NLRP9: variants seen among roughly 807,000 people sequenced by gnomAD.
NLRP9 encodes NACHT, LRR and PYD domains-containing protein 9.
In NLRP9, 88 loss-of-function variants were observed where a neutral mutation model predicts 83.1. The observed-to-expected ratio is 1.06, with a 90% CI of 0.89 to 1.26. NLRP9 has a LOEUF of 1.26. Among genes scored for constraint, NLRP9 ranks in the 50% most tolerant of loss-of-function variants. The probability of loss-of-function intolerance (pLI) is 0.00; values close to 1 mark genes in which losing one functional copy is unlikely to be tolerated. For synonymous variants in NLRP9, 521 were observed against 447.6 expected (o/e 1.16, Z -2.07); for missense variants, 1,308 against 1,179.3 (o/e 1.11, Z -1.60).
intron 1 of NLRP9, among the ~76,000 whole-genome samples, chr19:55,736,290 C>T (rs541465199): frequency 7.9e-5 from 12 of 152,034 alleles, no homozygotes; most frequent in African/African-American, 2.7e-4. Flanking sequence ...ACCTGGGAGG[C>T]TGAGGCAGGA....
chr19:55,729,073 T>TTTTTTTAA (rs1320598967), intron 3 of NLRP9, among the ~76,000 whole-genome samples: 1 of 112,752 alleles, frequency 8.9e-6, no homozygotes, highest in South Asian at 3.3e-4. Context: ...TTTTTTTTTT[T>TTTTTTTAA]ACAAATTTAA....
chr19:55,712,453 A>G lies in NLRP9; in HGVS notation c.2639T>C (p.Leu880Ser). 1.9e-6 allele frequency: 3 copies of G among 1,612,896 alleles called. No homozygotes were observed. ...CTCTAATTTACAGTGAGGATGCTGC[A>G]AAGCTGCACATAACTGTCTGACACC... is the stretch of plus-strand genomic sequence containing the variant. ...DTGVRQLCAA[L>S]QHPHCKLECL... Residue 880 changes from leucine (L) to serine (S), a missense_variant, in exon 7 of 9, where the codon TTG becomes TCG. Transcript: ENST00000332836.
At position 55,732,853 on chromosome 19, in the gene NLRP9, ATC is replaced by A. The variant is rs1568603980; in HGVS notation, c.976_977del (p.Asp326Ter). ...KALKVFNFVR[D>X]NGPLFILCHN... ...GGCACAAGATAAACAGCGGCCCATT[ATC>A]TCTCACAAAATTGAAGACTTTCAGG... On this transcript the variant is annotated frameshift_variant, in exon 2 of 9. Coordinates refer to ENST00000332836, the MANE Select transcript of NLRP9 (RefSeq NM_176820.4). LOFTEE classifies it high-confidence loss of function. The A allele has an allele frequency of 1.9e-6, 3 of 1,614,152 alleles. No individual in the cohort carries two copies. The highest frequency in any genetic ancestry group is 2.5e-6 in the Non-Finnish European group (3 of 1,180,014).
chr19:55,720,159 T>G (rs1466177462), intron 4 of NLRP9, among the ~76,000 whole-genome samples: 1 of 152,080 alleles, frequency 6.6e-6, no homozygotes, highest in East Asian at 1.9e-4. Flanking sequence ...GAAAAAGTGG[T>G]TTTTCAACAG....
At chr19:55,729,784 A>G (rs750066534) in intron 3 of NLRP9, 47 bp downstream of exon 3, 41 of 1,528,222 alleles carry the variant, frequency 2.7e-5, no homozygotes, top group Middle Eastern at 3.5e-4. Flanking sequence ...AGTAGAGAGA[A>G]GGAAACTCTG....
chr19:55,716,792 C>T lies in NLRP9; in HGVS notation c.2266G>A (p.Asp756Asn), dbSNP rs759368479. ...TCACACAGCAACGTCATTCCTTCGT[C>T]CCTCAAGGGATTTTCTACCAAGGAG... ...HLSLVENPLRDEGMTLLCEAL... is the reference protein window; with the variant it reads ...HLSLVENPLRNEGMTLLCEAL... Residue 756 changes from aspartate to asparagine, a missense_variant, in exon 5 of 9, where the codon GAC becomes AAC. By Grantham distance (23) the Asp-to-Asn change is conservative (BLOSUM62 1). Transcript: ENST00000332836. 8.4e-5 allele frequency: 135 copies of T among 1,613,756 alleles called. No homozygotes were observed. The highest frequency in any genetic ancestry group is 9.3e-6 in the Non-Finnish European group (11 of 1,179,894).
chr19:55,722,514 T>C (rs932232709), intron 4 of NLRP9, among the ~76,000 whole-genome samples: 3 of 152,158 alleles, frequency 2.0e-5, no homozygotes, highest in African/African-American at 7.2e-5. Flanking sequence ...TATAGATGAA[T>C]CTGTCAATTA....
At chr19:55,727,255 G>GT (rs138975439) in intron 3 of NLRP9, among the ~76,000 whole-genome samples, 4 of 152,032 alleles carry the variant, frequency 2.6e-5, no homozygotes, top group Non-Finnish European at 4.4e-5. Flanking sequence ...CTCAAAAAAA[G>GT]TTTTTTTAAA....
rs1435418036 is a variant in NLRP9 at position 55,711,485 on chromosome 19, T to C, written c.2843+315A>G. 6.0e-6 allele frequency: 8 copies of C among 1,337,718 alleles called. No homozygotes were observed. The Admixed American group carries it at 1.1e-4, about 19-fold the overall frequency. 82.9% of individuals were successfully genotyped at this position (1,337,718 alleles called of 1,614,324 possible). A position where few individuals can be genotyped will look rare whatever the true frequency, so the allele number is the denominator to read the frequency against. ...ATTTATGGGCAACGTAAGTAGAAGA[T>C]GTTTTATAGAGCAGTGGTTCTCACC... On this transcript the variant is annotated intron_variant, in intron 8 of 8. Coordinates refer to ENST00000332836, the MANE Select transcript of NLRP9 (RefSeq NM_176820.4).
chr19:55,718,108 C>A (rs537058127), intron 4 of NLRP9, among the ~76,000 whole-genome samples: 176 of 152,284 alleles, frequency 1.2e-3, no homozygotes, highest in African/African-American at 3.9e-3. Flanking sequence ...CCTTGTTAAC[C>A]ATATGTTTGC....
chr19:55,736,849 A>C (rs967823181), intron 1 of NLRP9, among the ~76,000 whole-genome samples: 10 of 113,542 alleles, frequency 8.8e-5, no homozygotes, highest in Non-Finnish European at 1.7e-4. Context: ...AATAAAACAA[A>C]AACAAAAAAA....
rs201859446 is a variant in NLRP9, at chr19:55,715,049, T to C, written c.2501+6A>G. 1 of 1,603,000 alleles carries C rather than the reference T, an allele frequency of 6.2e-7. No homozygotes were observed. Among genetic ancestry groups the C allele is most frequent in the African/African-American group, 1.3e-5 (1 of 74,670 alleles). ...TGACATTGAAGCAAATCATGGCCGG[T>C]CCTACCACAGCTCCCGTATGCTGCA... is the stretch of plus-strand genomic sequence containing the variant. On this transcript the variant is annotated splice_donor_region_variant and intron_variant, in intron 6 of 8. Coordinates refer to ENST00000332836, the MANE Select transcript of NLRP9 (RefSeq NM_176820.4).
At position 55,733,559 on chromosome 19, in the gene NLRP9, A is replaced by G; in HGVS notation, c.281-9T>C. 1 of 1,455,394 alleles carries G rather than the reference A, an allele frequency of 6.9e-7. No homozygotes were observed. Among genetic ancestry groups the G allele is most frequent in the East Asian group, 2.3e-5 (1 of 44,188 alleles). The allele number at this position is 1,455,394 out of a possible 1,614,324, so 90.2% of individuals were successfully genotyped here. ...GTATGGGTTTAGCTTATCTGTGTTA[A>G]TGAGAACAGGATATAAGATAGGTAA... is the stretch of plus-strand genomic sequence containing the variant. On this transcript the variant is annotated splice_polypyrimidine_tract_variant and intron_variant, in intron 1 of 8. Transcript: ENST00000332836.
intron 1 of NLRP9, 59 bp downstream of exon 1, chr19:55,738,036 G>T: frequency 6.6e-7 from 1 of 1,523,744 alleles, no homozygotes; most frequent in Non-Finnish European, 9.1e-7. Context: ...ATTTAACAAT[G>T]CTATCACCTT....
intron 1 of NLRP9, among the ~76,000 whole-genome samples, chr19:55,734,887 G>A (rs1482867022): frequency 2.6e-5 from 4 of 151,874 alleles, no homozygotes; most frequent in Admixed American, 6.6e-5. Context: ...TGCCCTCCTC[G>A]GCCTCCCAAA....
chr19:55,714,776 G>C (rs1311760868), intron 6 of NLRP9, among the ~76,000 whole-genome samples: 1 of 152,110 alleles, frequency 6.6e-6, no homozygotes, highest in Non-Finnish European at 1.5e-5. Context: ...TTCTGCTTTG[G>C]AAGTGGCATT....
rs1988656912 is a variant in NLRP9, at chr19:55,733,265, T to C, written c.566A>G (p.Glu189Gly). ...GCTGGTCTCTGCGATACCGTTCATT[T>C]CACAGACATTGAGGAAAAACACAAA... ...FTFVFFLNVCEMNGIAETSLL... is the reference protein window; with the variant it reads ...FTFVFFLNVCGMNGIAETSLL... Residue 189 changes from glutamate to glycine, a missense_variant, in exon 2 of 9, where the codon GAA becomes GGA. By Grantham distance (98) the Glu-to-Gly change is moderately conservative. Coordinates refer to ENST00000332836, the MANE Select transcript of NLRP9 (RefSeq NM_176820.4). 1.2e-6 allele frequency: 2 copies of C among 1,614,104 alleles called. No individual in the cohort carries two copies. Among genetic ancestry groups the C allele is most frequent in the East Asian group, 4.5e-5 (2 of 44,886 alleles).
chr19:55,718,762 C>A (rs1301135815), intron 4 of NLRP9, among the ~76,000 whole-genome samples: 1 of 152,210 alleles, frequency 6.6e-6, no homozygotes, highest in Non-Finnish European at 1.5e-5. Flanking sequence ...GCACGTTAAG[C>A]GTCTGTCCCC....
In NLRP9 at chr19:55,715,096, A is replaced by G. The variant is rs1398378109; in HGVS notation, c.2460T>C (p.Cys820=). Residue 820 remains cysteine (C), a synonymous_variant, in exon 6 of 9, where the codon TGT becomes TGC. Coordinates refer to ENST00000332836, the MANE Select transcript of NLRP9 (RefSeq NM_176820.4). ...ALEDNGVASL[C]AALKHPGCSI... is the part of the protein sequence containing the mutation. Reference sequence around the variant, plus strand: ...TGCAGCCTGGGTGCTTCAGCGCTGCACACAGAGATGCCACTCCATTATCTT... The same window carrying G: ...TGCAGCCTGGGTGCTTCAGCGCTGCGCACAGAGATGCCACTCCATTATCTT... 6.2e-7 allele frequency: 1 copy of G among 1,612,898 alleles called. No homozygotes were observed. Among genetic ancestry groups the G allele is most frequent in the East Asian group, 2.2e-5 (1 of 44,886 alleles).
Sources: gnomAD v4.1 joint callset for allele counts (sites outside exome capture counted in the v4.1 genomes callset) on GRCh38, gnomAD v4.1.1 for gene constraint, MANE v1.5 for transcripts, NCBI Gene and HGNC (gene_info 2026-07-23, HGNC 2026-07-21) for gene names.